ATG16L2: variants seen among roughly 807,000 people sequenced by gnomAD.
The protein encoded by ATG16L2 is protein Atg16l2.
ATG16L2 carries 77 observed loss-of-function variants against 84.7 expected under a neutral mutation model. The ratio of observed to expected loss-of-function variants is 0.91; its 90% confidence interval spans 0.76 to 1.10. ATG16L2 has a LOEUF of 1.10. Ranked by LOEUF, ATG16L2 falls within the 50% of genes least tolerant of loss-of-function variation. ATG16L2 has a pLI of 0.00. For missense variants in ATG16L2, 782 were observed against 817.6 expected (o/e 0.96, Z 0.53); for synonymous variants, 361 against 342.8 (o/e 1.05, Z -0.59).
chr11:72,823,005 A>C, intron 7 of ATG16L2, 44 bp downstream of exon 7: 1 of 1,394,424 alleles, frequency 7.2e-7, no homozygotes, highest in Non-Finnish European at 9.8e-7. Context: ...GCTGAGCCCC[A>C]CCCCAGAGGC....
In ATG16L2 at chr11:72,829,318, C is replaced by T. The variant is rs781276437; in HGVS notation, c.1788C>T (p.Ala596=). ...CTTTCCCCAGCGCTGCCGTCAACGCCGTGGCCTGGTGCTACTCCGGGAGCC... is the reference window on the plus strand; with the variant it reads ...CTTTCCCCAGCGCTGCCGTCAACGCTGTGGCCTGGTGCTACTCCGGGAGCC... ...LQGPHCAAVN[A]VAWCYSGSHM... The change falls in exon 18 of 18, where the codon GCC becomes GCT. Residue 596 remains alanine (A), a synonymous_variant. Transcript: ENST00000321297. 10 of 1,613,102 alleles carry T rather than the reference C, an allele frequency of 6.2e-6. No homozygotes were observed. The highest frequency in any genetic ancestry group is 3.3e-5 in the South Asian group (3 of 91,048).
At chr11:72,830,173 G>A (rs1021986871), downstream of ATG16L2, among the ~76,000 whole-genome samples, 2 of 152,174 alleles carry the variant, frequency 1.3e-5, no homozygotes, top group African/African-American at 4.8e-5. Flanking sequence ...TTACAAGGCA[G>A]AGCCCACAGG....
chr11:72,829,402 G>A lies in ATG16L2; in HGVS notation c.*12G>A, dbSNP rs767867956. ...TGCTCTGGCAGTAGGGCCACGACCT[G>A]CCTGCCTGGGCTGGAGCTCTTGCCC... is the stretch of plus-strand genomic sequence containing the variant. On this transcript the variant is annotated 3_prime_UTR_variant, in exon 18 of 18. Coordinates refer to ENST00000321297, the MANE Select transcript of ATG16L2 (RefSeq NM_033388.2). The A allele has an allele frequency of 3.7e-6, 6 of 1,606,722 alleles. No individual in the cohort carries two copies. Among genetic ancestry groups the A allele is most frequent in the Non-Finnish European group, 5.1e-6 (6 of 1,176,290 alleles).
chr11:72,823,926 G>A, intron 7 of ATG16L2, 134 bp from the exon 8 acceptor site: 2 of 992,534 alleles, frequency 2.0e-6, no homozygotes, highest in East Asian at 2.4e-5. Context: ...CCTGATCTTG[G>A]AGAAGTCAAG....
chr11:72,814,935 G>A (rs1326926969), intron 1 of ATG16L2, among the ~76,000 whole-genome samples: 2 of 152,252 alleles, frequency 1.3e-5, no homozygotes, highest in African/African-American at 2.4e-5. Flanking sequence ...CGGTAGCGCA[G>A]TGAAAGAACG....
At chr11:72,835,904 A>G (rs1860716123) in intron 5 of ATG16L2, among the ~76,000 whole-genome samples, 2 of 152,034 alleles carry the variant, frequency 1.3e-5, no homozygotes, top group African/African-American at 4.8e-5. Flanking sequence ...ATGAGCTACC[A>G]TGCCCAGCCA....
intron 7 of ATG16L2, 183 bp from the exon 8 acceptor site, chr11:72,823,877 C>T: frequency 1.3e-6 from 1 of 771,684 alleles, no homozygotes; most frequent in Non-Finnish European, 2.4e-6. Context: ...TCCATTGCTG[C>T]CCCGACCTTC....
chr11:72,826,808 C>T lies in ATG16L2; in HGVS notation c.1351C>T (p.Leu451Phe). The change falls in exon 13 of 18, where the codon CTC becomes TTC. Residue 451 changes from leucine (L) to phenylalanine (F), a missense_variant. Leu to Phe is a conservative substitution (Grantham distance 22, BLOSUM62 0). Coordinates refer to ENST00000321297, the MANE Select transcript of ATG16L2 (RefSeq NM_033388.2). The stretch of plus-strand genomic sequence containing the variant: ...CGACCGGACAGTGAAGGAGTGGGAC[C>T]TCGGCCGTGCCTATTGTGAGCCCGA... The part of the protein sequence containing the change: ...SRDRTVKEWD[L>F]GRAYCSRTIN... The T allele has an allele frequency of 6.2e-7, 1 of 1,613,868 alleles. No individual in the cohort carries two copies. The highest frequency in any genetic ancestry group is 8.5e-7 in the Non-Finnish European group (1 of 1,179,968).
rs990306231 is a variant in ATG16L2, at chr11:72,817,618, T to C, written c.219-138T>C. 15 of 780,766 alleles carry C rather than the reference T, an allele frequency of 1.9e-5. 1 individual carries two copies. The African/African-American group carries it at 2.6e-4, about 13-fold the overall frequency. The allele number at this position is 780,766 out of a possible 1,614,324, so 48.4% of individuals were successfully genotyped here. A position where few individuals can be genotyped will look rare whatever the true frequency, so the allele number is the denominator to read the frequency against. On this transcript the variant is annotated intron_variant, in intron 2 of 17. Coordinates refer to ENST00000321297, the MANE Select transcript of ATG16L2 (RefSeq NM_033388.2). ...ATTTCTAGAGACTTGCCTTTTCCTT[T>C]ACTGGCTTGCTGGCTTCCATCTTCC...
intron 14 of ATG16L2, 100 bp from the exon 15 acceptor site, chr11:72,828,259 G>T: frequency 7.1e-7 from 1 of 1,414,456 alleles, no homozygotes; most frequent in South Asian, 1.2e-5. Context: ...GGGTTCCTCC[G>T]GACTTGGTTA....
intron 11 of ATG16L2, 28 bp from the exon 12 acceptor site, chr11:72,826,490 C>T: frequency 6.2e-7 from 1 of 1,613,388 alleles, no homozygotes; most frequent in Non-Finnish European, 8.5e-7. Flanking sequence ...CGGCTTAGCA[C>T]CTCTCACTTC....
chr11:72,841,534 T>G (rs759205526), intron 5 of ATG16L2: 1 of 1,611,110 alleles, frequency 6.2e-7, no homozygotes, highest in African/African-American at 1.3e-5. Flanking sequence ...AGGCTGGTCG[T>G]ACAACGGCAG....
chr11:72,830,296 A>G (rs560116965), downstream of ATG16L2, among the ~76,000 whole-genome samples: 3 of 152,196 alleles, frequency 2.0e-5, no homozygotes, highest in Admixed American at 2.0e-4. Context: ...CAGACCACTC[A>G]CTACTTTTGG....
intron 5 of ATG16L2, chr11:72,838,866 T>C (rs766526432): frequency 6.2e-7 from 1 of 1,601,844 alleles, no homozygotes. Flanking sequence ...GAGGGGGAGC[T>C]GCCCGGACCT....
At chr11:72,817,411 G>T (rs992354721) in intron 2 of ATG16L2, among the ~76,000 whole-genome samples, 1 of 152,166 alleles carries the variant, frequency 6.6e-6, no homozygotes, top group Non-Finnish European at 1.5e-5. Flanking sequence ...AGTAGAGACG[G>T]GGTTTCACCA....
Position 72,826,824 on chromosome 11 carries a change from G to T in ATG16L2, c.1366+1G>T. 6.2e-7 allele frequency: 1 copy of T among 1,613,020 alleles called. No homozygotes were observed. Among genetic ancestry groups the T allele is most frequent in the Non-Finnish European group, 8.5e-7 (1 of 1,179,724 alleles). On this transcript the variant is annotated splice_donor_variant, in intron 13 of 17. Transcript: ENST00000321297. LOFTEE classifies it high-confidence loss of function. ...GAGTGGGACCTCGGCCGTGCCTATTGTGAGCCCGAGCCCCAGCCCCACCTC... is the reference window on the plus strand; with the variant it reads ...GAGTGGGACCTCGGCCGTGCCTATTTTGAGCCCGAGCCCCAGCCCCACCTC...
intron 17 of ATG16L2, 55 bp from the exon 18 acceptor site, chr11:72,829,248 G>C (rs1860538864): frequency 6.3e-7 from 1 of 1,583,288 alleles, no homozygotes; most frequent in South Asian, 1.1e-5. Flanking sequence ...GGCAGAGCCA[G>C]GTTGCAGGCG....
At chr11:72,825,127 G>A (rs1216266596) in intron 9 of ATG16L2, among the ~76,000 whole-genome samples, 175 bp from the exon 10 acceptor site, 1 of 152,168 alleles carries the variant, frequency 6.6e-6, no homozygotes, top group Non-Finnish European at 1.5e-5. Context: ...AGGCAGAGGT[G>A]AGAACACCTG....
chr11:72,823,206 G>A (rs571460246), intron 7 of ATG16L2: 22 of 444,920 alleles, frequency 4.9e-5, no homozygotes, highest in African/African-American at 3.6e-4. Flanking sequence ...TCAGAGCTCT[G>A]GGGGTGGGGA....
Sources: allele counts gnomAD v4.1 joint callset (sites outside exome capture counted in the v4.1 genomes callset), GRCh38; gene constraint gnomAD v4.1.1; transcripts MANE v1.5; gene names NCBI Gene and HGNC (gene_info 2026-07-23, HGNC 2026-07-21).